Variants in FYB1 observed in about 807,000 individuals in gnomAD.
FYB1 encodes FYN-binding protein 1.
Under a neutral mutation model 94.1 loss-of-function variants are expected in FYB1, and 41 were observed. The observed-to-expected ratio is 0.44, with a 90% CI of 0.34 to 0.57. FYB1 has a LOEUF of 0.57. Ranked by LOEUF, FYB1 falls within the 20% of genes least tolerant of loss-of-function variation. The probability of loss-of-function intolerance (pLI) is 0.02; values close to 1 mark genes in which losing one functional copy is unlikely to be tolerated. For synonymous variants in FYB1, 367 were observed against 353.2 expected, an observed-to-expected ratio of 1.04 and a Z score of -0.44; for missense variants, 1,050 against 976.8, an observed-to-expected ratio of 1.07 and a Z score of -1.00.
chr5:39,189,174 G>T (rs1236795334), intron 2 of FYB1, among the ~76,000 whole-genome samples: 4 of 151,190 alleles, frequency 2.6e-5, no homozygotes, highest in African/African-American at 7.3e-5. Context: ...TTTTAACTCA[G>T]GAAAGAACCT....
chr5:39,178,045 C>T (rs1006350270), intron 2 of FYB1, among the ~76,000 whole-genome samples: 3 of 152,164 alleles, frequency 2.0e-5, no homozygotes, highest in East Asian at 1.9e-4. Context: ...TATCTGTTAC[C>T]TGCATTGACC....
chr5:39,144,485 T>C (rs1253878686), intron 3 of FYB1, among the ~76,000 whole-genome samples: 1 of 151,898 alleles, frequency 6.6e-6, no homozygotes, highest in East Asian at 1.9e-4. Context: ...AAAAAAGACA[T>C]GGAGAGTGAA....
At chr5:39,226,412 A>T (rs1410629640) in intron 1 of FYB1, among the ~76,000 whole-genome samples, 1 of 151,964 alleles carries the variant, frequency 6.6e-6, no homozygotes, top group Non-Finnish European at 1.5e-5. Flanking sequence ...AAAAAAAAAA[A>T]TCAACTCTTT....
intron 2 of FYB1, among the ~76,000 whole-genome samples, chr5:39,187,190 T>A (rs2289546): frequency 0.27 from 40,463 of 152,022 alleles, 5,955 homozygotes; most frequent in African/African-American, 0.41. Flanking sequence ...ACAAAAATAC[T>A]GTGACACGCT....
At chr5:39,256,079 A>G (rs1009190551) in intron 1 of FYB1, among the ~76,000 whole-genome samples, 5 of 152,218 alleles carry the variant, frequency 3.3e-5, no homozygotes, top group Non-Finnish European at 7.3e-5. Context: ...TTATGGGGGC[A>G]GTATTTATAG....
intron 2 of FYB1, among the ~76,000 whole-genome samples, chr5:39,195,983 T>A (rs1747797605): frequency 6.6e-6 from 1 of 151,804 alleles, no homozygotes; most frequent in Admixed American, 6.6e-5. Flanking sequence ...GAAAGCAACA[T>A]GTTAGAGTCA....
At chr5:39,221,550 T>C (rs369745690), upstream of FYB1, among the ~76,000 whole-genome samples, 40 of 152,310 alleles carry the variant, frequency 2.6e-4, no homozygotes, top group South Asian at 7.9e-3. Context: ...CCCAGGAATA[T>C]GTAATTCCTT....
chr5:39,110,627 T>A (rs1738981757), intron 16 of FYB1: 1 of 412,366 alleles, frequency 2.4e-6, no homozygotes, highest in Non-Finnish European at 4.4e-6. Flanking sequence ...ATTTCAACCT[T>A]TCCTCCTTTC....
At chr5:39,243,530 T>C (rs1097203) in intron 1 of FYB1, among the ~76,000 whole-genome samples, 24,015 of 151,526 alleles carry the variant, frequency 0.16, 5,096 homozygotes, top group African/African-American at 0.47. Flanking sequence ...ACCATGCTGT[T>C]TTGGTGACTG....
intron 13 of FYB1, among the ~76,000 whole-genome samples, chr5:39,122,637 C>T (rs1459733480): frequency 2.6e-5 from 4 of 151,920 alleles, no homozygotes; most frequent in Non-Finnish European, 5.9e-5. Context: ...TGATAATCAT[C>T]GTTATCTGGA....
In FYB1 at chr5:39,105,629, C is replaced by T. The variant is rs1320466999; in HGVS notation, c.*1814G>A. The stretch of plus-strand genomic sequence containing the variant: ...AAGTTTAGCAAGCTTATCAAGGAGT[C>T]CTCAAACTAAAGCTGGCCAAAAACT... On this transcript the variant is annotated 3_prime_UTR_variant, in exon 19 of 19. Transcript: ENST00000512982. The T allele has an allele frequency of 2.0e-5, 3 of 152,088 alleles. No homozygotes were observed. The highest frequency in any genetic ancestry group is 4.4e-5 in the Non-Finnish European group (3 of 68,020). 9.4% of individuals were successfully genotyped at this position (152,088 alleles called of 1,614,324 possible).
intron 1 of FYB1, among the ~76,000 whole-genome samples, chr5:39,257,841 G>A (rs2111571869): frequency 6.6e-6 from 1 of 151,412 alleles, no homozygotes; most frequent in African/African-American, 2.4e-5. Flanking sequence ...CACCAGGCCA[G>A]CCAAATCAAA....
At chr5:39,138,054 G>A in intron 6 of FYB1, 1 of 300,242 alleles carries the variant, frequency 3.3e-6, no homozygotes, top group Non-Finnish European at 6.3e-6. Context: ...ACGTGCCTGT[G>A]CATTCACAGG....
chr5:39,236,505 T>A (rs114156795), intron 1 of FYB1, among the ~76,000 whole-genome samples: 1 of 151,958 alleles, frequency 6.6e-6, no homozygotes, highest in African/African-American at 2.4e-5. Flanking sequence ...TTGGAAAAAA[T>A]TCAGAAATTG....
intron 16 of FYB1, chr5:39,110,742 C>A: frequency 3.1e-6 from 1 of 321,780 alleles, no homozygotes; most frequent in Non-Finnish European, 5.9e-6. Flanking sequence ...ATTTAGTAAG[C>A]ATAGATTATA....
intron 1 of FYB1, among the ~76,000 whole-genome samples, chr5:39,237,264 G>A (rs1486314403): frequency 6.6e-6 from 1 of 152,062 alleles, no homozygotes; most frequent in Non-Finnish European, 1.5e-5. Context: ...GCAGTTAGGG[G>A]GATGTTACAA....
chr5:39,270,363 A>T lies in FYB1; in HGVS notation c.-28+4040T>A, dbSNP rs79007757. On this transcript the variant is annotated intron_variant, in intron 1 of 1. Transcript: ENST00000510188. Reference sequence around the variant, plus strand: ...TCCCCTATTCTGAAGGCTAGAATCAAAAAAAGGGAACTCTTGAAGCCATGT... The same window carrying T: ...TCCCCTATTCTGAAGGCTAGAATCATAAAAAGGGAACTCTTGAAGCCATGT... 1.7e-4 allele frequency among the ~76,000 whole-genome samples: 26 copies of T among 152,292 alleles called. No homozygotes were observed. In the East Asian group the frequency reaches 3.9e-3, roughly 23 times the overall value.
chr5:39,257,292 T>C (rs1751978770), intron 1 of FYB1, among the ~76,000 whole-genome samples: 1 of 152,154 alleles, frequency 6.6e-6, no homozygotes, highest in Non-Finnish European at 1.5e-5. Flanking sequence ...TAACAGTTTT[T>C]GGGAAAAAGT....
intron 15 of FYB1, 43 bp downstream of exon 15, chr5:39,119,492 C>T: frequency 7.3e-7 from 1 of 1,360,546 alleles, no homozygotes; most frequent in Non-Finnish European, 9.7e-7. Context: ...TTGGATTTTT[C>T]AATAGTGCTT....
Sources: gnomAD v4.1 joint callset for allele counts (sites outside exome capture counted in the v4.1 genomes callset) on GRCh38, gnomAD v4.1.1 for gene constraint, MANE v1.5 for transcripts, NCBI Gene and HGNC (gene_info 2026-07-23, HGNC 2026-07-21) for gene names.